EXOC4: variants seen among roughly 807,000 people sequenced by gnomAD.
The protein encoded by EXOC4 is SEC8-like 1.
In EXOC4, 71 loss-of-function variants were observed where a neutral mutation model predicts 107.2. The ratio of observed to expected loss-of-function variants is 0.66; its 90% CI spans 0.55 to 0.81. The LOEUF (loss-of-function observed/expected upper bound fraction) is 0.81. Ranked by LOEUF, EXOC4 falls within the 30% of genes least tolerant of loss-of-function variation. EXOC4 has a pLI of 0.00. For synonymous variants in EXOC4, 456 were observed against 441.2 expected (o/e 1.03, Z -0.42); for missense variants, 1,108 against 1,189.6 (o/e 0.93, Z 1.01).
At chr7:133,485,449 C>G (rs960038620) in intron 9 of EXOC4, among the ~76,000 whole-genome samples, 1 of 152,034 alleles carries the variant, frequency 6.6e-6, no homozygotes, top group Admixed American at 6.6e-5. Context: ...TGATCTCAGC[C>G]AAGACCAAGC....
chr7:133,709,256 T>A (rs1270357484), intron 10 of EXOC4, among the ~76,000 whole-genome samples: 3 of 152,254 alleles, frequency 2.0e-5, no homozygotes, highest in Non-Finnish European at 4.4e-5. Flanking sequence ...TAGAAACATA[T>A]AGATTTTGTG....
intron 4 of EXOC4, among the ~76,000 whole-genome samples, chr7:133,310,074 T>G (rs1794836308): frequency 6.6e-6 from 1 of 152,226 alleles, no homozygotes; most frequent in African/African-American, 2.4e-5. Context: ...GCTGAATTCT[T>G]GCTTAAGATG....
In EXOC4 at chr7:134,064,757, C is replaced by T. The variant is rs907120243; in HGVS notation, c.*229C>T. ...ACTACTTTAATGCAGTCAAATCTAA[C>T]GGGACTAGGGTGGGATAGGGAGGAA... On this transcript the variant is annotated 3_prime_UTR_variant, in exon 18 of 18. Coordinates refer to ENST00000253861, the MANE Select transcript of EXOC4 (RefSeq NM_021807.4). 2.3e-5 allele frequency: 7 copies of T among 309,190 alleles called. No homozygotes were observed. Among genetic ancestry groups the T allele is most frequent in the Non-Finnish European group, 4.1e-5 (7 of 169,290 alleles). The allele number at this position is 309,190 out of a possible 1,614,324, so 19.2% of individuals were successfully genotyped here. A position where few individuals can be genotyped will look rare whatever the true frequency, so the allele number is the denominator to read the frequency against.
intron 9 of EXOC4, among the ~76,000 whole-genome samples, chr7:133,483,425 C>T (rs1025512876): frequency 6.6e-6 from 1 of 152,134 alleles, no homozygotes; most frequent in Non-Finnish European, 1.5e-5. Context: ...AATTGAAAAA[C>T]ATTTTAAAAT....
intron 10 of EXOC4, among the ~76,000 whole-genome samples, chr7:133,798,570 A>G (rs1403224186): frequency 6.6e-6 from 1 of 152,182 alleles, no homozygotes; most frequent in Non-Finnish European, 1.5e-5. Flanking sequence ...CCAACCTTAT[A>G]ATAACCCTGC....
chr7:133,271,568 C>T (rs1296777397), intron 1 of EXOC4, among the ~76,000 whole-genome samples: 1 of 152,186 alleles, frequency 6.6e-6, no homozygotes, highest in Non-Finnish European at 1.5e-5. Context: ...CACTCCAGAG[C>T]AAGGGGCAGA....
At chr7:133,852,802 A>G (rs1464424392) in intron 11 of EXOC4, among the ~76,000 whole-genome samples, 1 of 152,154 alleles carries the variant, frequency 6.6e-6, no homozygotes, top group Non-Finnish European at 1.5e-5. Context: ...GATAAAAAAC[A>G]TTTTTTTCTA....
chr7:133,264,306 T>G (rs1239843514), intron 1 of EXOC4, among the ~76,000 whole-genome samples: 1 of 152,196 alleles, frequency 6.6e-6, no homozygotes, highest in Non-Finnish European at 1.5e-5. Context: ...CTAAGTGCTG[T>G]CTGAAGCAAG....
At chr7:133,779,168 G>C (rs529913020) in intron 10 of EXOC4, among the ~76,000 whole-genome samples, 1 of 152,312 alleles carries the variant, frequency 6.6e-6, no homozygotes, top group South Asian at 2.1e-4. Flanking sequence ...AGTTGTATTG[G>C]AAAGGTAATT....
chr7:133,254,123 C>G (rs1794958531), intron 1 of EXOC4: 1 of 152,186 alleles, frequency 6.6e-6, no homozygotes, highest in Admixed American at 6.5e-5. Context: ...TATTGATCAT[C>G]TTTTCAAAAC....
At chr7:133,426,486 A>C (rs1179267183) in intron 7 of EXOC4, among the ~76,000 whole-genome samples, 1 of 152,230 alleles carries the variant, frequency 6.6e-6, no homozygotes, top group Non-Finnish European at 1.5e-5. Flanking sequence ...TGGGATAATA[A>C]TAGTATCTGT....
chr7:133,462,827 CTTTAG>C (rs1360443945), intron 7 of EXOC4, among the ~76,000 whole-genome samples: 5 of 152,126 alleles, frequency 3.3e-5, no homozygotes, highest in African/African-American at 9.6e-5. Flanking sequence ...GGAAATAAAA[CTTTAG>C]TTTAATCAAC....
chr7:133,504,625 G>T (rs1006124273), intron 9 of EXOC4, among the ~76,000 whole-genome samples: 1 of 152,030 alleles, frequency 6.6e-6, no homozygotes, highest in Non-Finnish European at 1.5e-5. Flanking sequence ...AAAAATCATT[G>T]CTGGTGATGG....
chr7:133,646,628 T>A (rs1439664444), intron 10 of EXOC4, among the ~76,000 whole-genome samples: 1 of 152,218 alleles, frequency 6.6e-6, no homozygotes, highest in African/African-American at 2.4e-5. Context: ...TATGTATGTG[T>A]GGTATGCATA....
chr7:133,367,213 G>C (rs1410105569), intron 6 of EXOC4, among the ~76,000 whole-genome samples: 1 of 152,136 alleles, frequency 6.6e-6, no homozygotes, highest in Non-Finnish European at 1.5e-5. Flanking sequence ...TTGAAGATTA[G>C]GGGCAAATGA....
At chr7:133,463,256 G>A (rs1451270664) in intron 7 of EXOC4, among the ~76,000 whole-genome samples, 1 of 152,180 alleles carries the variant, frequency 6.6e-6, no homozygotes, top group Non-Finnish European at 1.5e-5. Context: ...GATCCCAGGT[G>A]ATCAGAAGAA....
intron 14 of EXOC4, among the ~76,000 whole-genome samples, chr7:133,993,372 A>G (rs1397222993): frequency 1.3e-5 from 2 of 152,214 alleles, no homozygotes; most frequent in African/African-American, 4.8e-5. Flanking sequence ...TTTATGGTCA[A>G]AGAGTAGCTC....
At chr7:133,421,445 A>G (rs10488164) in intron 7 of EXOC4, among the ~76,000 whole-genome samples, 44,386 of 152,028 alleles carry the variant, frequency 0.29, 6,713 homozygotes, top group South Asian at 0.41. Context: ...ATTAGAATCC[A>G]AGGAAATTGT....
chr7:133,630,611 ATACT>A (rs1399981852), intron 10 of EXOC4, among the ~76,000 whole-genome samples: 5 of 152,300 alleles, frequency 3.3e-5, no homozygotes, highest in African/African-American at 1.2e-4. Flanking sequence ...AAAGCCTGAA[ATACT>A]TATTTTCTGG....
Sources: allele counts gnomAD v4.1 joint callset (sites outside exome capture counted in the v4.1 genomes callset), GRCh38; gene constraint gnomAD v4.1.1; transcripts MANE v1.5; gene names NCBI Gene and HGNC (gene_info 2026-07-23, HGNC 2026-07-21).